Variants in PDE11A observed in about 807,000 individuals in gnomAD.
PDE11A encodes phosphodiesterase 11A.
Under a neutral mutation model 100.5 loss-of-function variants are expected in PDE11A, and 100 were observed. The ratio of observed to expected loss-of-function variants is 1.00; its 90% CI spans 0.85 to 1.18. The LOEUF is 1.18. PDE11A is among the 50% of genes most tolerant of loss of function. PDE11A has a pLI of 0.00. For missense variants in PDE11A, 1,141 were observed against 1,152.6 expected (o/e 0.99, Z 0.15); for synonymous variants, 381 against 420.8 (o/e 0.91, Z 1.16).
At chr2:177,945,629 C>G (rs2085405588) in intron 2 of PDE11A, among the ~76,000 whole-genome samples, 1 of 151,278 alleles carries the variant, frequency 6.6e-6, no homozygotes, top group African/African-American at 2.4e-5. Flanking sequence ...CCGGCAGCCG[C>G]CCCGTCTGGG....
At chr2:177,870,839 C>T (rs555724476) in intron 5 of PDE11A, among the ~76,000 whole-genome samples, 2 of 152,162 alleles carry the variant, frequency 1.3e-5, no homozygotes, top group Non-Finnish European at 2.9e-5. Flanking sequence ...TTGTTTTTAA[C>T]TGAGCTTAAG....
intron 9 of PDE11A, among the ~76,000 whole-genome samples, chr2:177,781,680 T>C (rs2082456875): frequency 6.6e-6 from 1 of 152,084 alleles, no homozygotes; most frequent in Non-Finnish European, 1.5e-5. Context: ...TTTTGTAGTT[T>C]TAGTAGAGAA....
chr2:177,766,000 T>G (rs2082233603), intron 10 of PDE11A, among the ~76,000 whole-genome samples: 1 of 152,202 alleles, frequency 6.6e-6, no homozygotes, highest in Non-Finnish European at 1.5e-5. Flanking sequence ...CTTCCCAAAC[T>G]CTGGCTTAAG....
At chr2:178,063,705 A>G (rs1204968164) in intron 1 of PDE11A, among the ~76,000 whole-genome samples, 1 of 152,212 alleles carries the variant, frequency 6.6e-6, no homozygotes, top group East Asian at 1.9e-4. Context: ...AGATTTTGAT[A>G]AAGGAGATAG....
intron 15 of PDE11A, among the ~76,000 whole-genome samples, chr2:177,696,589 C>T (rs775743013): frequency 9.9e-5 from 15 of 151,948 alleles, no homozygotes; most frequent in Admixed American, 3.3e-4. Context: ...CTGCTCTTCA[C>T]GGTGTAAATG....
At chr2:177,864,033 G>T (rs1412142998) in intron 5 of PDE11A, among the ~76,000 whole-genome samples, 6 of 152,082 alleles carry the variant, frequency 3.9e-5, no homozygotes, top group Non-Finnish European at 8.8e-5. Context: ...AAAAGAATCA[G>T]ATGTTGCCAT....
Position 177,841,704 on chromosome 2 carries a change from T to A in PDE11A, c.1368-1321A>T, listed in dbSNP as rs143424693. ...ATTCAGCATGTATTTGTAATGTTATTCATCCCTTATTGCATATTAAACATT... is the reference window on the plus strand; with the variant it reads ...ATTCAGCATGTATTTGTAATGTTATACATCCCTTATTGCATATTAAACATT... On this transcript the variant is annotated intron_variant, in intron 5 of 19. Coordinates refer to ENST00000286063, the MANE Select transcript of PDE11A (RefSeq NM_016953.4). Among the ~76,000 whole-genome samples, 668 of 152,324 alleles carry A rather than the reference T, an allele frequency of 4.4e-3. 2 individuals are homozygous for A. Among genetic ancestry groups the A allele is most frequent in the African/African-American group, 0.015 (643 of 41,566 alleles).
At chr2:177,634,429 C>A (rs2080005199) in intron 19 of PDE11A, among the ~76,000 whole-genome samples, 1 of 149,722 alleles carries the variant, frequency 6.7e-6, no homozygotes, top group Non-Finnish European at 1.5e-5. Flanking sequence ...CGCTCTGACG[C>A]CCAGGCTGGA....
intron 1 of PDE11A, among the ~76,000 whole-genome samples, chr2:178,057,801 C>A (rs903371127): frequency 6.6e-6 from 1 of 152,110 alleles, no homozygotes; most frequent in African/African-American, 2.4e-5. Context: ...CCTGTCCTAC[C>A]CTTATGTATG....
At chr2:177,793,917 GAA>G (rs1207766642) in intron 9 of PDE11A, among the ~76,000 whole-genome samples, 1 of 152,156 alleles carries the variant, frequency 6.6e-6, no homozygotes, top group Non-Finnish European at 1.5e-5. Flanking sequence ...CCAGTATTGG[GAA>G]ACACAATGCC....
At position 178,072,691 on chromosome 2, in the gene PDE11A, G is replaced by T. The variant is rs956066152; in HGVS notation, c.-254C>A. 11 of 1,403,538 alleles carry T rather than the reference G, an allele frequency of 7.8e-6. No individual in the cohort carries two copies. Among genetic ancestry groups the T allele is most frequent in the Non-Finnish European group, 1.0e-5 (11 of 1,079,980 alleles). 86.9% of individuals were successfully genotyped at this position (1,403,538 alleles called of 1,614,324 possible). On this transcript the variant is annotated 5_prime_UTR_variant, in exon 1 of 20. Transcript: ENST00000286063. Reference sequence around the variant, plus strand: ...AGGTGCCCAGCACTGAGCTGCCGCCGCTGCCCCGGCTCCTGTTCCGGAAAC... The same window carrying T: ...AGGTGCCCAGCACTGAGCTGCCGCCTCTGCCCCGGCTCCTGTTCCGGAAAC...
intron 13 of PDE11A, among the ~76,000 whole-genome samples, chr2:177,709,490 G>T (rs2081327333): frequency 6.6e-6 from 1 of 152,164 alleles, no homozygotes; most frequent in South Asian, 2.1e-4. Flanking sequence ...AAAGACTGAG[G>T]TTGAGGGGAC....
chr2:177,952,416 G>A (rs965470391), intron 2 of PDE11A, among the ~76,000 whole-genome samples: 1 of 152,126 alleles, frequency 6.6e-6, no homozygotes, highest in Admixed American at 6.5e-5. Context: ...TAGGCATGTG[G>A]CCCACACCGG....
intron 2 of PDE11A, among the ~76,000 whole-genome samples, chr2:177,926,093 T>C (rs2085121299): frequency 6.6e-6 from 1 of 152,138 alleles, no homozygotes; most frequent in Non-Finnish European, 1.5e-5. Context: ...CCAAAACAAA[T>C]AAACAATTCC....
intron 1 of PDE11A, among the ~76,000 whole-genome samples, chr2:178,063,650 G>A (rs1411074949): frequency 6.6e-6 from 1 of 152,202 alleles, no homozygotes; most frequent in East Asian, 1.9e-4. Flanking sequence ...TTGGGTACCT[G>A]GCCCTGGGTG....
chr2:177,646,288 G>A (rs552964297), intron 19 of PDE11A, among the ~76,000 whole-genome samples: 52 of 152,326 alleles, frequency 3.4e-4, no homozygotes, highest in African/African-American at 5.8e-4. Flanking sequence ...ACAAGTCTGT[G>A]AGCTGAATCT....
intron 5 of PDE11A, among the ~76,000 whole-genome samples, chr2:177,853,680 A>ATATGTGTGTGTGTG (rs2083766252): frequency 5.5e-5 from 2 of 36,530 alleles, no homozygotes; most frequent in African/African-American, 9.2e-5. Flanking sequence ...ATATATATAT[A>ATATGTGTGTGTGTG]TGTGTGTGTG....
intron 2 of PDE11A, among the ~76,000 whole-genome samples, chr2:178,095,859 C>T (rs1431946773): frequency 6.6e-6 from 1 of 152,226 alleles, no homozygotes; most frequent in East Asian, 1.9e-4. Context: ...ACGACCTGAG[C>T]TGTACCTTGG....
intron 10 of PDE11A, among the ~76,000 whole-genome samples, chr2:177,748,430 TAA>T (rs2081983245): frequency 6.6e-6 from 1 of 152,188 alleles, no homozygotes; most frequent in South Asian, 2.1e-4. Flanking sequence ...GTTACTCTTA[TAA>T]AGACACAGCA....
Sources: gnomAD v4.1 joint callset for allele counts (sites outside exome capture counted in the v4.1 genomes callset) on GRCh38, gnomAD v4.1.1 for gene constraint, MANE v1.5 for transcripts, NCBI Gene and HGNC (gene_info 2026-07-23, HGNC 2026-07-21) for gene names.